The following ANKRD44 variants were observed in gnomAD, a reference collection of about 807,000 sequenced individuals.
ANKRD44 encodes the protein ankyrin repeat domain 44, also known as serine/threonine-protein phosphatase 6 regulatory ankyrin repeat subunit B.
A neutral mutation model predicts 116.0 loss-of-function variants in ANKRD44; 35 were observed. The ratio of observed to expected loss-of-function variants is 0.30; its 90% CI spans 0.23 to 0.40. ANKRD44 has a LOEUF of 0.40. ANKRD44 is among the 10% of genes least tolerant of loss of function. The pLI is 1.00. For missense variants in ANKRD44, 1,014 were observed against 1,242.6 expected (o/e 0.82, Z 2.77); for synonymous variants, 435 against 461.8 (o/e 0.94, Z 0.74).
chr2:197,120,196 G>A (rs1423924216), intron 8 of ANKRD44, among the ~76,000 whole-genome samples: 2 of 152,126 alleles, frequency 1.3e-5, no homozygotes, highest in African/African-American at 2.4e-5. Context: ...CTACTACACT[G>A]TAAGTTCCTT....
chr2:197,091,775 A>G (rs1410552526), intron 10 of ANKRD44, among the ~76,000 whole-genome samples: 1 of 152,230 alleles, frequency 6.6e-6, no homozygotes, highest in African/African-American at 2.4e-5. Context: ...TAAGAATAAA[A>G]ACTAATGTTT....
At chr2:197,154,401 G>C (rs1243926601) in intron 2 of ANKRD44, among the ~76,000 whole-genome samples, 1 of 151,658 alleles carries the variant, frequency 6.6e-6, no homozygotes, top group Non-Finnish European at 1.5e-5. Context: ...GGATGGTCTC[G>C]ATCTCCTGAC....
At chr2:197,172,372 C>T (rs2080260766) in intron 2 of ANKRD44, among the ~76,000 whole-genome samples, 1 of 152,154 alleles carries the variant, frequency 6.6e-6, no homozygotes, top group African/African-American at 2.4e-5. Flanking sequence ...AGCTCTCCCG[C>T]CACCACCAAA....
intron 4 of ANKRD44, among the ~76,000 whole-genome samples, chr2:197,131,476 C>A (rs1406127772): frequency 1.3e-5 from 2 of 152,176 alleles, no homozygotes; most frequent in Non-Finnish European, 2.9e-5. Context: ...CAGGCGTGAG[C>A]CACCGCGCCC....
In ANKRD44 at chr2:196,988,053, C is replaced by A. The variant is rs559638024; in HGVS notation, c.*1538G>T. On this transcript the variant is annotated 3_prime_UTR_variant, in exon 28 of 28. Transcript: ENST00000282272. Reference sequence around the variant, plus strand: ...CATGATTTCATTTCGTTCCTTTGTCCTCCTTCTATGAGTAAGAGAGTGGGA... The same window carrying A: ...CATGATTTCATTTCGTTCCTTTGTCATCCTTCTATGAGTAAGAGAGTGGGA... The A allele has an allele frequency of 1.0e-6, 1 of 985,274 alleles. No homozygotes were observed. Among genetic ancestry groups the A allele is most frequent in the African/African-American group, 1.7e-5 (1 of 57,292 alleles). 61.0% of individuals were successfully genotyped at this position (985,274 alleles called of 1,614,324 possible).
In ANKRD44 at chr2:197,099,872, T is replaced by C. The variant is rs1209054424; in HGVS notation, c.1044A>G (p.Arg348=). Residue 348 remains arginine (R), a synonymous_variant, in exon 10 of 28, where the codon AGA becomes AGG. Transcript: ENST00000282272. ...DGNTPLHVAA[R]YGHELLINTL... is the part of the protein sequence containing the mutation. ...TGTTAATCAAAAGCTCATGACCGTA[T>C]CTTGCAGCCACATGGAGAGGAGTGT... 2 of 1,614,196 alleles carry C rather than the reference T, an allele frequency of 1.2e-6. No individual in the cohort carries two copies. Among genetic ancestry groups the C allele is most frequent in the Non-Finnish European group, 1.7e-6 (2 of 1,180,036 alleles).
chr2:197,166,016 T>C (rs1371048907), intron 2 of ANKRD44, among the ~76,000 whole-genome samples: 1 of 152,196 alleles, frequency 6.6e-6, no homozygotes, highest in Non-Finnish European at 1.5e-5. Context: ...ACTTTGTAAG[T>C]TCCAATATCC....
intron 21 of ANKRD44, among the ~76,000 whole-genome samples, chr2:196,968,392 CTTTA>C (rs1398021379): frequency 2.0e-5 from 3 of 152,132 alleles, no homozygotes; most frequent in African/African-American, 7.2e-5. Flanking sequence ...TCATCATCAT[CTTTA>C]TTTATTTATT....
intron 12 of ANKRD44, among the ~76,000 whole-genome samples, chr2:197,087,817 C>T (rs1428874899): frequency 1.3e-5 from 2 of 151,948 alleles, no homozygotes; most frequent in African/African-American, 4.8e-5. Flanking sequence ...GCTCATGAAG[C>T]TCATACAATT....
At chr2:197,017,996 T>A (rs2076423416) in intron 17 of ANKRD44, among the ~76,000 whole-genome samples, 1 of 152,250 alleles carries the variant, frequency 6.6e-6, no homozygotes, top group African/African-American at 2.4e-5. Flanking sequence ...CTGGCAGGAA[T>A]CTGGCCTAAT....
chr2:197,142,980 G>GAA (rs952283288), intron 3 of ANKRD44, among the ~76,000 whole-genome samples: 9 of 109,814 alleles, frequency 8.2e-5, no homozygotes, highest in African/African-American at 3.0e-4. Flanking sequence ...TCTTAAAAAA[G>GAA]AAAAAAAAAA....
intron 1 of ANKRD44, among the ~76,000 whole-genome samples, chr2:197,228,310 A>G (rs1219472230): frequency 6.6e-6 from 1 of 152,162 alleles, no homozygotes; most frequent in Admixed American, 6.5e-5. Context: ...AACAGTTAGG[A>G]ACAGATTTTT....
intron 16 of ANKRD44, among the ~76,000 whole-genome samples, chr2:197,034,887 AG>A (rs2076780157): frequency 6.6e-6 from 1 of 152,226 alleles, no homozygotes; most frequent in East Asian, 1.9e-4. Context: ...CTTATTTGTA[AG>A]TCATGAACTC....
chr2:197,144,889 G>A (rs765477104), intron 3 of ANKRD44, among the ~76,000 whole-genome samples: 1 of 152,174 alleles, frequency 6.6e-6, no homozygotes, highest in Admixed American at 6.5e-5. Context: ...CCTTTCAGAT[G>A]TAGAAACAAC....
Position 196,989,543 on chromosome 2 carries a change from C to A in ANKRD44, c.*48G>T. The A allele has an allele frequency of 6.5e-7, 1 of 1,540,254 alleles. No individual in the cohort carries two copies. The highest frequency in any genetic ancestry group is 1.7e-4 in the Middle Eastern group (1 of 5,884). On this transcript the variant is annotated 3_prime_UTR_variant, in exon 28 of 28. Transcript: ENST00000282272. ...ACACACATATATATATATATACACA[C>A]GCACACATATATGTGTGCATGTGTA...
Position 196,989,618 on chromosome 2 carries a change from A to G in ANKRD44, c.2955T>C (p.Pro985=). 10 of 1,550,256 alleles carry G rather than the reference A, an allele frequency of 6.5e-6. No homozygotes were observed. The highest frequency in any genetic ancestry group is 7.8e-6 in the Non-Finnish European group (9 of 1,146,798). The part of the protein sequence containing the change: ...ASRSNGPRST[P]GTAVQKEE Reference sequence around the variant, plus strand: ...ATTCTTCTTTTTGTACAGCGGTTCCAGGTGTGGAACGGGGTCCATTTGACC... The same window carrying G: ...ATTCTTCTTTTTGTACAGCGGTTCCGGGTGTGGAACGGGGTCCATTTGACC... Residue 985 remains proline (P), a synonymous_variant, in exon 28 of 28, where the codon CCT becomes CCC. Coordinates refer to ENST00000282272, the MANE Select transcript of ANKRD44 (RefSeq NM_001195144.2).
chr2:197,056,371 TA>T (rs1267505733), intron 16 of ANKRD44, among the ~76,000 whole-genome samples: 5 of 152,158 alleles, frequency 3.3e-5, no homozygotes, highest in African/African-American at 1.2e-4. Flanking sequence ...TTTATAGAAA[TA>T]ATTATGTTTT....
At chr2:197,126,375 C>G (rs539797324) in intron 4 of ANKRD44, among the ~76,000 whole-genome samples, 1 of 152,272 alleles carries the variant, frequency 6.6e-6, no homozygotes, top group African/African-American at 2.4e-5. Flanking sequence ...GGTAAAATAA[C>G]CATAGACAAA....
At chr2:197,176,422 G>A (rs2080365728) in intron 2 of ANKRD44, among the ~76,000 whole-genome samples, 1 of 152,090 alleles carries the variant, frequency 6.6e-6, no homozygotes, top group African/African-American at 2.4e-5. Flanking sequence ...TAGAACTGAG[G>A]CCAGAGGAGG....
Sources: gnomAD v4.1 joint callset for allele counts (sites outside exome capture counted in the v4.1 genomes callset) on GRCh38, gnomAD v4.1.1 for gene constraint, MANE v1.5 for transcripts, NCBI Gene and HGNC (gene_info 2026-07-23, HGNC 2026-07-21) for gene names.